The following TARS3 variants were observed in gnomAD, a reference collection of about 807,000 sequenced individuals.
The protein encoded by TARS3 is threonyl-tRNA synthetase 3.
TARS3 carries 94 observed loss-of-function variants against 103.5 expected under a neutral mutation model. The ratio of observed to expected loss-of-function variants is 0.91; its 90% CI spans 0.77 to 1.08. The LOEUF is 1.08. TARS3 is among the 50% of genes least tolerant of loss of function. The pLI is 0.00. For synonymous variants in TARS3, 416 were observed against 355.4 expected (o/e 1.17, Z -1.92); for missense variants, 952 against 995.2 (o/e 0.96, Z 0.58).
intron 13 of TARS3, among the ~76,000 whole-genome samples, chr15:101,674,713 G>A (rs1327806066): frequency 1.3e-5 from 2 of 151,930 alleles, no homozygotes; most frequent in Non-Finnish European, 2.9e-5. Flanking sequence ...CGCTGAGGAG[G>A]AGAATGGCGT....
At chr15:101,690,084 G>A (rs915111160) in intron 10 of TARS3, among the ~76,000 whole-genome samples, 1 of 152,204 alleles carries the variant, frequency 6.6e-6, no homozygotes, top group African/African-American at 2.4e-5. Context: ...CGGCTGATCG[G>A]AGTTTGTGGG....
chr15:101,708,013 G>A (rs1029365019), intron 6 of TARS3, among the ~76,000 whole-genome samples: 1 of 152,178 alleles, frequency 6.6e-6, no homozygotes, highest in East Asian at 1.9e-4. Context: ...GGAGGCTGAG[G>A]GGGGTAGATC....
At chr15:101,671,786 G>C (rs1897816980) in intron 13 of TARS3, 38 bp from the exon 14 acceptor site, 1 of 1,543,684 alleles carries the variant, frequency 6.5e-7, no homozygotes, top group Non-Finnish European at 8.9e-7. Flanking sequence ...ATTATACACT[G>C]TATCTTTTTT....
intron 8 of TARS3, among the ~76,000 whole-genome samples, chr15:101,703,341 G>A (rs1344715323): frequency 2.6e-5 from 4 of 152,196 alleles, no homozygotes; most frequent in Non-Finnish European, 4.4e-5. Context: ...TATAATCCCA[G>A]CACTTCGGGA....
intron 1 of TARS3, among the ~76,000 whole-genome samples, chr15:101,723,507 G>A (rs1045918045): frequency 1.3e-5 from 2 of 152,152 alleles, no homozygotes. Context: ...CCTTCCTAAA[G>A]GACTGCAGAA....
Position 101,724,396 on chromosome 15 carries a change from C to T in TARS3, c.-9G>A. 2 of 1,434,538 alleles carry T rather than the reference C, an allele frequency of 1.4e-6. No individual in the cohort carries two copies. Among genetic ancestry groups the T allele is most frequent in the Non-Finnish European group, 1.8e-6 (2 of 1,100,976 alleles). The allele number at this position is 1,434,538 out of a possible 1,614,324, so 88.9% of individuals were successfully genotyped here. On this transcript the variant is annotated 5_prime_UTR_variant, in exon 1 of 19. Coordinates refer to ENST00000335968, the MANE Select transcript of TARS3 (RefSeq NM_152334.3). Reference sequence around the variant, plus strand: ...AGGGCCTCGGCCGCCATCGCGGCCTCCCTCAGGCACCGACGCCGAGCGGGG... The same window carrying T: ...AGGGCCTCGGCCGCCATCGCGGCCTTCCTCAGGCACCGACGCCGAGCGGGG...
chr15:101,720,632 C>T (rs926674657), intron 3 of TARS3, among the ~76,000 whole-genome samples: 8 of 152,026 alleles, frequency 5.3e-5, no homozygotes, highest in African/African-American at 1.9e-4. Context: ...AAATTAAATA[C>T]ATTTAATTTA....
intron 4 of TARS3, among the ~76,000 whole-genome samples, chr15:101,713,798 T>C (rs1269856632): frequency 1.3e-5 from 2 of 152,212 alleles, no homozygotes; most frequent in Non-Finnish European, 2.9e-5. Flanking sequence ...CAGTAGTGCA[T>C]AAAAACTGAG....
intron 13 of TARS3, among the ~76,000 whole-genome samples, chr15:101,675,097 A>T (rs1897968394): frequency 1.3e-5 from 2 of 152,284 alleles, no homozygotes; most frequent in African/African-American, 4.8e-5. Flanking sequence ...AAGCAATGTG[A>T]TGATCTCCTT....
At chr15:101,677,427 C>T (rs1453800320) in intron 12 of TARS3, among the ~76,000 whole-genome samples, 1 of 152,166 alleles carries the variant, frequency 6.6e-6, no homozygotes, top group Non-Finnish European at 1.5e-5. Context: ...ACACCAGCTC[C>T]CTCCTTTGCT....
intron 16 of TARS3, among the ~76,000 whole-genome samples, chr15:101,659,096 A>G (rs914967258): frequency 2.6e-5 from 4 of 152,210 alleles, no homozygotes; most frequent in South Asian, 2.1e-4. Context: ...CGGCCTCTAT[A>G]TAACTTCTTA....
At chr15:101,670,830 T>C (rs929437088) in intron 15 of TARS3, among the ~76,000 whole-genome samples, 2 of 152,174 alleles carry the variant, frequency 1.3e-5, no homozygotes, top group Admixed American at 6.5e-5. Context: ...CTATCAATAC[T>C]TGCAGAATCA....
chr15:101,685,166 T>C (rs931878284), intron 11 of TARS3, among the ~76,000 whole-genome samples: 1 of 152,212 alleles, frequency 6.6e-6, no homozygotes, highest in African/African-American at 2.4e-5. Flanking sequence ...AATTATCTTC[T>C]AGGTAAATTT....
At position 101,724,471 on chromosome 15, in the gene TARS3, G is replaced by A. The variant is rs1010370918; in HGVS notation, c.-84C>T. ...CGCGGACACTCAGCGCACGGCAGAA[G>A]ACAGGGCTCCCGGGAGGGGCGGGGC... On this transcript the variant is annotated 5_prime_UTR_variant, in exon 1 of 19. Coordinates refer to ENST00000335968, the MANE Select transcript of TARS3 (RefSeq NM_152334.3). The A allele has an allele frequency of 1.6e-4, 210 of 1,327,188 alleles. No individual in the cohort carries two copies. In the African/African-American group the frequency reaches 2.5e-3, roughly 16 times the overall value. 82.2% of individuals were successfully genotyped at this position (1,327,188 alleles called of 1,614,324 possible).
At chr15:101,686,804 C>T (rs1898494233) in intron 10 of TARS3, among the ~76,000 whole-genome samples, 1 of 151,392 alleles carries the variant, frequency 6.6e-6, no homozygotes. Context: ...TTTGGATGAA[C>T]ACAAAAAGCT....
At chr15:101,688,454 A>T (rs1596306367) in intron 10 of TARS3, among the ~76,000 whole-genome samples, 2 of 152,104 alleles carry the variant, frequency 1.3e-5, no homozygotes, top group African/African-American at 2.4e-5. Flanking sequence ...TAAAAATCAT[A>T]TTTCATCCTG....
intron 15 of TARS3, among the ~76,000 whole-genome samples, chr15:101,666,634 GTTA>G (rs1266108256): frequency 6.6e-6 from 1 of 152,016 alleles, no homozygotes; most frequent in Admixed American, 6.6e-5. Flanking sequence ...AGCAAAGAAG[GTTA>G]TTTTCTTTGA....
chr15:101,724,028 C>T, intron 1 of TARS3, 63 bp downstream of exon 1: 1 of 1,308,068 alleles, frequency 7.6e-7, no homozygotes, highest in South Asian at 2.0e-5. Flanking sequence ...GAAAACCTTT[C>T]GGTGCGCACC....
chr15:101,703,979 T>A, intron 7 of TARS3, 42 bp from the exon 8 acceptor site: 2 of 1,389,330 alleles, frequency 1.4e-6, no homozygotes, highest in Non-Finnish European at 2.0e-6. Context: ...ACAGTTACAG[T>A]GTTCTGGACT....
Sources: gnomAD v4.1 joint callset for allele counts (sites outside exome capture counted in the v4.1 genomes callset) on GRCh38, gnomAD v4.1.1 for gene constraint, MANE v1.5 for transcripts, NCBI Gene and HGNC (gene_info 2026-07-23, HGNC 2026-07-21) for gene names.